TBC1D22B: variants seen among roughly 807,000 people sequenced by gnomAD.
The protein encoded by TBC1D22B is chromosome 6 open reading frame 197.
In TBC1D22B, 32 loss-of-function variants were observed where a neutral mutation model predicts 69.1. The observed-to-expected ratio is 0.46, with a 90% CI of 0.35 to 0.62. TBC1D22B has a LOEUF of 0.62. TBC1D22B is among the 20% of genes least tolerant of loss of function. The pLI is 0.00. For synonymous variants in TBC1D22B, 206 were observed against 229.8 expected (o/e 0.90, Z 0.94); for missense variants, 462 against 630.9 (o/e 0.73, Z 2.87).
At chr6:37,286,883 G>A (rs1767022299) in intron 6 of TBC1D22B, 124 bp from the exon 7 acceptor site, 2 of 758,796 alleles carry the variant, frequency 2.6e-6, no homozygotes, top group African/African-American at 1.8e-5. Flanking sequence ...GGCAGAGGTT[G>A]CAGTGAGCTG....
chr6:37,262,747 A>C (rs1455985665), intron 1 of TBC1D22B, among the ~76,000 whole-genome samples: 1 of 152,190 alleles, frequency 6.6e-6, no homozygotes, highest in Non-Finnish European at 1.5e-5. Context: ...GAGTGTGTGA[A>C]CCTACATCAG....
chr6:37,291,134 C>T, intron 7 of TBC1D22B, 109 bp from the exon 8 acceptor site: 1 of 784,922 alleles, frequency 1.3e-6, no homozygotes. Flanking sequence ...TAAAATTTTC[C>T]TAAAAATTCT....
chr6:37,304,219 T>A (rs776478799), intron 8 of TBC1D22B, among the ~76,000 whole-genome samples: 1 of 152,212 alleles, frequency 6.6e-6, no homozygotes, highest in Non-Finnish European at 1.5e-5. Flanking sequence ...AGCACCCACA[T>A]GTGCAGGGCA....
rs1160909072 is a variant in TBC1D22B, at chr6:37,331,248, G to A, written c.*76G>A. On this transcript the variant is annotated 3_prime_UTR_variant, in exon 13 of 13. Coordinates refer to ENST00000373491, the MANE Select transcript of TBC1D22B (RefSeq NM_017772.4). ...GATCACTGTGGCCACTGTGCGAGCC[G>A]TGGACCCCGGCCAGGAACCACTCCT... The A allele has an allele frequency of 1.3e-5, 20 of 1,497,640 alleles. No individual in the cohort carries two copies. The highest frequency in any genetic ancestry group is 2.3e-5 in the South Asian group (2 of 85,142). The allele number at this position is 1,497,640 out of a possible 1,614,324, so 92.8% of individuals were successfully genotyped here. A position where few individuals can be genotyped will look rare whatever the true frequency, so the allele number is the denominator to read the frequency against.
chr6:37,308,724 A>G (rs1374876432), intron 8 of TBC1D22B, among the ~76,000 whole-genome samples: 2 of 152,228 alleles, frequency 1.3e-5, no homozygotes, highest in East Asian at 3.8e-4. Context: ...AGAAGTAGAG[A>G]ACTTTTAAAA....
At chr6:37,270,476 A>G (rs1253916876) in intron 2 of TBC1D22B, among the ~76,000 whole-genome samples, 1 of 152,108 alleles carries the variant, frequency 6.6e-6, no homozygotes, top group Non-Finnish European at 1.5e-5. Context: ...AAAATAAATA[A>G]ATAAAAGCTA....
At position 37,314,395 on chromosome 6, in the gene TBC1D22B, A is replaced by T. The variant is rs549009380; in HGVS notation, c.1165+504A>T. ...ATGTAACTCATAACTCCTGGGCTTG[A>T]TATGGGGTCCTCAGGCCTGGCTGAT... is the stretch of plus-strand genomic sequence containing the variant. On this transcript the variant is annotated intron_variant, in intron 10 of 12. Coordinates refer to ENST00000373491, the MANE Select transcript of TBC1D22B (RefSeq NM_017772.4). Among the ~76,000 whole-genome samples, 6 of 152,242 alleles carry T rather than the reference A, an allele frequency of 3.9e-5. No individual in the cohort carries two copies. In the South Asian group the frequency reaches 8.3e-4, roughly 21 times the overall value.
intron 8 of TBC1D22B, among the ~76,000 whole-genome samples, chr6:37,294,553 G>C (rs770366373): frequency 6.6e-6 from 1 of 152,136 alleles, no homozygotes; most frequent in African/African-American, 2.4e-5. Context: ...TCTTGTTAGG[G>C]GCTAAGGCAG....
At chr6:37,291,981 T>G (rs929682465) in intron 8 of TBC1D22B, among the ~76,000 whole-genome samples, 45 of 152,334 alleles carry the variant, frequency 3.0e-4, no homozygotes, top group African/African-American at 9.9e-4. Context: ...TTAAAGGAGT[T>G]GAGGATCCTG....
intron 1 of TBC1D22B, among the ~76,000 whole-genome samples, chr6:37,266,259 T>G (rs1373269261): frequency 6.6e-6 from 1 of 152,212 alleles, no homozygotes; most frequent in Non-Finnish European, 1.5e-5. Flanking sequence ...GTCATCTGGT[T>G]CCTATTCCAA....
At chr6:37,308,874 C>T (rs1031049603) in intron 8 of TBC1D22B, among the ~76,000 whole-genome samples, 5 of 149,742 alleles carry the variant, frequency 3.3e-5, no homozygotes, top group Non-Finnish European at 7.4e-5. Context: ...CTTTGGGAGG[C>T]CAAGGTGGGA....
At chr6:37,319,268 A>T (rs1768170029) in intron 12 of TBC1D22B, among the ~76,000 whole-genome samples, 1 of 152,224 alleles carries the variant, frequency 6.6e-6, no homozygotes, top group Non-Finnish European at 1.5e-5. Context: ...AGGATAAATG[A>T]GGACAAGGGG....
At chr6:37,320,216 A>G (rs576857592) in intron 12 of TBC1D22B, among the ~76,000 whole-genome samples, 1 of 152,284 alleles carries the variant, frequency 6.6e-6, no homozygotes, top group Non-Finnish European at 1.5e-5. Flanking sequence ...AAGGTTAGGG[A>G]CTGTGCAGAG....
At chr6:37,263,085 G>C (rs1263787611) in intron 1 of TBC1D22B, among the ~76,000 whole-genome samples, 1 of 152,186 alleles carries the variant, frequency 6.6e-6, no homozygotes, top group Non-Finnish European at 1.5e-5. Flanking sequence ...TGGAGGCCTA[G>C]GTTTTGTAGA....
chr6:37,331,020 T>C lies in TBC1D22B; in HGVS notation c.1390-24T>C, dbSNP rs781412030. The C allele has an allele frequency of 3.1e-6, 5 of 1,613,530 alleles. No homozygotes were observed. The South Asian group carries it at 3.3e-5, about 11-fold the overall frequency. ...TGATGGTCTACGGTCTGGTATGATA[T>C]AAAAGTCCTTTCTTGCATTCCAGGG... On this transcript the variant is annotated intron_variant, in intron 12 of 12. Coordinates refer to ENST00000373491, the MANE Select transcript of TBC1D22B (RefSeq NM_017772.4).
intron 3 of TBC1D22B, 46 bp from the exon 4 acceptor site, chr6:37,282,139 A>G (rs747102200): frequency 6.2e-7 from 1 of 1,600,304 alleles, no homozygotes; most frequent in African/African-American, 1.3e-5. Context: ...CTCAGAATCC[A>G]TACTCCTCAC....
intron 8 of TBC1D22B, among the ~76,000 whole-genome samples, chr6:37,303,787 C>T (rs544688282): frequency 1.2e-4 from 19 of 152,210 alleles, no homozygotes; most frequent in Non-Finnish European, 2.4e-4. Flanking sequence ...CTTTAAGACT[C>T]CCCTTCCTCC....
chr6:37,324,443 T>G, intron 12 of TBC1D22B: 1 of 448,878 alleles, frequency 2.2e-6, no homozygotes, highest in Non-Finnish European at 4.5e-6. Flanking sequence ...AACTGGATAC[T>G]TTATAAGGAC....
chr6:37,273,522 A>G (rs1183029384), intron 2 of TBC1D22B, among the ~76,000 whole-genome samples: 1 of 152,214 alleles, frequency 6.6e-6, no homozygotes, highest in Non-Finnish European at 1.5e-5. Flanking sequence ...ATATTTCCAT[A>G]TCCCAAACTG....
Sources: gnomAD v4.1 joint callset for allele counts (sites outside exome capture counted in the v4.1 genomes callset) on GRCh38, gnomAD v4.1.1 for gene constraint, MANE v1.5 for transcripts, NCBI Gene and HGNC (gene_info 2026-07-23, HGNC 2026-07-21) for gene names.